SNAPC3: variants seen among roughly 807,000 people sequenced by gnomAD.
SNAPC3 encodes snRNA-activating protein complex subunit 3.
In SNAPC3, 56 loss-of-function variants were observed where a neutral mutation model predicts 47.7. That is an observed-to-expected ratio of 1.18 (90% CI 0.95 to 1.47). SNAPC3 has a LOEUF of 1.47. Ranked by LOEUF, SNAPC3 falls within the 40% of genes most tolerant of loss-of-function variation. SNAPC3 has a pLI of 0.00. For synonymous variants in SNAPC3, 235 were observed against 189.9 expected, an observed-to-expected ratio of 1.24 and a Z score of -1.95; for missense variants, 665 against 511.3, an observed-to-expected ratio of 1.30 and a Z score of -2.90.
chr9:15,444,832 C>G (rs1262185296), intron 4 of SNAPC3, 126 bp downstream of exon 4: 5 of 538,212 alleles, frequency 9.3e-6, no homozygotes, highest in South Asian at 2.2e-5. Context: ...TGGCTCATGC[C>G]TGTAATCTCA....
chr9:15,435,720 A>G (rs2032715635), intron 3 of SNAPC3, among the ~76,000 whole-genome samples: 1 of 149,874 alleles, frequency 6.7e-6, no homozygotes, highest in African/African-American at 2.5e-5. Context: ...CAGGAGTGAA[A>G]CTCTGTCTAA....
downstream of SNAPC3, chr9:15,465,277 A>C: frequency 2.3e-6 from 1 of 428,834 alleles, no homozygotes; most frequent in Non-Finnish European, 4.1e-6. Flanking sequence ...TGTCTGGAAA[A>C]GCAGTTTAAC....
At chr9:15,463,852 T>TA (rs1381452445), downstream of SNAPC3, 5 of 152,614 alleles carry the variant, frequency 3.3e-5, no homozygotes, top group African/African-American at 7.2e-5. Context: ...TGTAAAACTA[T>TA]AGATCTGGTG....
intron 2 of SNAPC3, among the ~76,000 whole-genome samples, chr9:15,429,205 A>T (rs2031834429): frequency 6.6e-6 from 1 of 152,192 alleles, no homozygotes; most frequent in Non-Finnish European, 1.5e-5. Context: ...TTTTTTTTTA[A>T]AGCTCAATGA....
intron 3 of SNAPC3, among the ~76,000 whole-genome samples, chr9:15,443,403 T>C (rs1392374799): frequency 6.6e-6 from 1 of 152,196 alleles, no homozygotes; most frequent in East Asian, 1.9e-4. Context: ...ATATGTTTTT[T>C]TGAGAACTAG....
chr9:15,426,788 C>T (rs2031461105), intron 2 of SNAPC3, among the ~76,000 whole-genome samples: 1 of 152,098 alleles, frequency 6.6e-6, no homozygotes, highest in African/African-American at 2.4e-5. Context: ...CTAGTCCCTC[C>T]AAACAGGATT....
In SNAPC3 at chr9:15,451,304, A is replaced by G. The variant is rs759063523; in HGVS notation, c.733-16A>G. On this transcript the variant is annotated splice_polypyrimidine_tract_variant and intron_variant, in intron 5 of 8. Coordinates refer to ENST00000380821, the MANE Select transcript of SNAPC3 (RefSeq NM_001039697.2). The stretch of plus-strand genomic sequence containing the variant: ...TAATAGTTGATTTTCTCTCAATACA[A>G]TCTGTTTTCTTGTAGGACCTATACA... The G allele has an allele frequency of 2.0e-5, 22 of 1,075,314 alleles. No individual in the cohort carries two copies. The highest frequency in any genetic ancestry group is 3.4e-5 in the South Asian group (2 of 58,376). 66.6% of individuals were successfully genotyped at this position (1,075,314 alleles called of 1,614,324 possible).
intron 3 of SNAPC3, among the ~76,000 whole-genome samples, chr9:15,442,704 G>A (rs554455005): frequency 4.6e-5 from 7 of 152,190 alleles, no homozygotes; most frequent in African/African-American, 1.7e-4. Context: ...GCCAGGCAGA[G>A]GGGCTCCTCA....
downstream of SNAPC3, chr9:15,466,632 G>A: frequency 1.4e-6 from 1 of 724,344 alleles, no homozygotes; most frequent in Non-Finnish European, 2.1e-6. Context: ...CTGAATTCAG[G>A]AATTGGGTGA....
chr9:15,428,152 A>G (rs1244205757), intron 2 of SNAPC3, among the ~76,000 whole-genome samples: 1 of 150,172 alleles, frequency 6.7e-6, no homozygotes, highest in East Asian at 2.0e-4. Flanking sequence ...CAGCTCTCAT[A>G]TATCTGAAGT....
intron 3 of SNAPC3, among the ~76,000 whole-genome samples, chr9:15,434,524 C>A: frequency 6.6e-6 from 1 of 151,854 alleles, no homozygotes; most frequent in East Asian, 1.9e-4. Flanking sequence ...TCTCCTGCCT[C>A]AGCCTTTTAA....
chr9:15,443,665 C>T (rs2033695154), intron 3 of SNAPC3, among the ~76,000 whole-genome samples: 1 of 152,136 alleles, frequency 6.6e-6, no homozygotes, highest in South Asian at 2.1e-4. Context: ...AGGGTCAAAA[C>T]CAATGCACGT....
At chr9:15,431,525 G>C (rs929583290) in intron 2 of SNAPC3, among the ~76,000 whole-genome samples, 2 of 150,772 alleles carry the variant, frequency 1.3e-5, no homozygotes, top group Admixed American at 6.6e-5. Context: ...GGAGATAACA[G>C]AGTATACACA....
At chr9:15,453,791 C>A (rs2034569113) in intron 7 of SNAPC3, among the ~76,000 whole-genome samples, 1 of 152,172 alleles carries the variant, frequency 6.6e-6, no homozygotes, top group East Asian at 1.9e-4. Context: ...AGAAGGAATA[C>A]TATGTACGAA....
chr9:15,423,016 C>T lies in SNAPC3; in HGVS notation c.137C>T (p.Ala46Val). The T allele has an allele frequency of 6.5e-7, 1 of 1,542,266 alleles. No homozygotes were observed. The highest frequency in any genetic ancestry group is 2.5e-5 in the East Asian group (1 of 40,132). ...AATACGCGCGCTTTCCATGTGGGCG[C>T]CTTTGGGGAGCTGTGGCGGGGCCGT... The part of the protein sequence containing the change: ...ELNTRAFHVG[A>V]FGELWRGRLR... Residue 46 changes from alanine (A) to valine (V), a missense_variant, in exon 1 of 9, where the codon GCC becomes GTC. Ala to Val is a moderately conservative substitution (Grantham distance 64). Coordinates refer to ENST00000380821, the MANE Select transcript of SNAPC3 (RefSeq NM_001039697.2).
At chr9:15,432,247 C>T (rs765442125) in intron 2 of SNAPC3, among the ~76,000 whole-genome samples, 20 of 152,070 alleles carry the variant, frequency 1.3e-4, no homozygotes, top group Non-Finnish European at 2.6e-4. Context: ...AGTATAAACT[C>T]ATAGTTTTAA....
intron 3 of SNAPC3, among the ~76,000 whole-genome samples, chr9:15,439,865 A>G (rs1366293369): frequency 6.6e-6 from 1 of 152,190 alleles, no homozygotes; most frequent in African/African-American, 2.4e-5. Context: ...AATTGAAACA[A>G]CTTACTTTTA....
At chr9:15,441,400 T>TTTTC (rs2033362009) in intron 3 of SNAPC3, among the ~76,000 whole-genome samples, 2 of 129,376 alleles carry the variant, frequency 1.5e-5, no homozygotes, top group Non-Finnish European at 3.4e-5. Context: ...TTTTTTTTTT[T>TTTTC]TTTTTTTAGT....
rs771135504 is a variant in SNAPC3 at position 15,459,699 on chromosome 9, T to C, written c.1089-20T>C. 6.2e-7 allele frequency: 1 copy of C among 1,608,650 alleles called. No homozygotes were observed. Among genetic ancestry groups the C allele is most frequent in the Non-Finnish European group, 8.5e-7 (1 of 1,176,912 alleles). Reference sequence around the variant, plus strand: ...GCAAATTTGATTGTAATGATGTACTTCTTTTTTTAAAAACTACAGATGGGT... The same window carrying C: ...GCAAATTTGATTGTAATGATGTACTCCTTTTTTTAAAAACTACAGATGGGT... On this transcript the variant is annotated intron_variant, in intron 8 of 8. Coordinates refer to ENST00000380821, the MANE Select transcript of SNAPC3 (RefSeq NM_001039697.2).
Sources: gnomAD v4.1 joint callset for allele counts (sites outside exome capture counted in the v4.1 genomes callset) on GRCh38, gnomAD v4.1.1 for gene constraint, MANE v1.5 for transcripts, NCBI Gene and HGNC (gene_info 2026-07-23, HGNC 2026-07-21) for gene names.